Variants in NEMF observed in about 807,000 individuals in gnomAD.
The protein encoded by NEMF is ribosome quality control complex subunit NEMF.
In NEMF, 89 loss-of-function variants were observed where a neutral mutation model predicts 162.2. The ratio of observed to expected loss-of-function variants is 0.55; its 90% CI spans 0.46 to 0.65. NEMF has a LOEUF of 0.65. Ranked by LOEUF, NEMF falls within the 30% of genes least tolerant of loss-of-function variation. The pLI, the probability that NEMF is intolerant of heterozygous loss-of-function variation, is 0.00. For synonymous variants in NEMF, 421 were observed against 404.5 expected (o/e 1.04, Z -0.49); for missense variants, 1,133 against 1,261.9 (o/e 0.90, Z 1.55).
At chr14:49,792,819 A>C (rs4243564) in intron 26 of NEMF, among the ~76,000 whole-genome samples, 393 of 152,204 alleles carry the variant, frequency 2.6e-3, no homozygotes, top group African/African-American at 8.9e-3. Context: ...TCTAAAAATA[A>C]TAAAAATAAA....
At chr14:49,840,431 C>T (rs1392075845) in intron 5 of NEMF, among the ~76,000 whole-genome samples, 1 of 150,390 alleles carries the variant, frequency 6.6e-6, no homozygotes, top group African/African-American at 2.5e-5. Flanking sequence ...CACTGCACTC[C>T]AGCCTGAGCA....
chr14:49,817,369 G>A (rs1378079133), intron 16 of NEMF, among the ~76,000 whole-genome samples: 2 of 152,158 alleles, frequency 1.3e-5, no homozygotes, highest in Non-Finnish European at 2.9e-5. Context: ...GAACCCAGGA[G>A]GCAGAAGTTG....
At chr14:49,799,406 G>A (rs1890851368) in intron 25 of NEMF, 69 bp downstream of exon 25, 2 of 1,277,848 alleles carry the variant, frequency 1.6e-6, no homozygotes, top group South Asian at 1.3e-5. Flanking sequence ...GTAATCTGTG[G>A]TAGCTGAGCT....
chr14:49,797,896 T>A (rs1010056244), intron 25 of NEMF, among the ~76,000 whole-genome samples: 1 of 152,218 alleles, frequency 6.6e-6, no homozygotes, highest in Non-Finnish European at 1.5e-5. Context: ...TGTGCAGAGT[T>A]TACATGTTCT....
chr14:49,828,960 T>A (rs917032868), intron 13 of NEMF, 94 bp downstream of exon 13: 3 of 1,392,412 alleles, frequency 2.2e-6, no homozygotes, highest in Non-Finnish European at 2.9e-6. Context: ...CTTTGAGAAT[T>A]TCAAAATATG....
At chr14:49,806,230 G>GTATATATATATATATATATATA (rs1219496185) in intron 18 of NEMF, 97 bp from the exon 19 acceptor site, 1 of 104,312 alleles carries the variant, frequency 9.6e-6, no homozygotes, top group African/African-American at 1.6e-4. Flanking sequence ...TCAATGATAT[G>GTATATATATATATATATATATA]TGTATATATA....
Position 49,802,672 on chromosome 14 carries a change from A to G in NEMF, c.1971T>C (p.Phe657=). The G allele has an allele frequency of 6.2e-7, 1 of 1,612,136 alleles. No homozygotes were observed. The change falls in exon 21 of 33, where the codon TTT becomes TTC. Residue 657 remains phenylalanine (F), a synonymous_variant. Coordinates refer to ENST00000298310, the MANE Select transcript of NEMF (RefSeq NM_004713.6). Reference sequence around the variant, plus strand: ...TAACCAAGAAGTTGAAGAGTACCTTAAAAAGGAAGCTAAACCCCATCATTA... The same window carrying G: ...TAACCAAGAAGTTGAAGAGTACCTTGAAAAGGAAGCTAAACCCCATCATTA... The part of the protein sequence containing the change: ...SYLMMGFSFL[F]KVDESCVWRH...
chr14:49,828,796 A>G lies in NEMF; in HGVS notation c.1244T>C (p.Leu415Ser), dbSNP rs568374976. The change falls in exon 14 of 33, where the codon TTG becomes TCG. Residue 415 changes from leucine (L) to serine (S), a missense_variant. Physicochemically the swap from Leu to Ser is moderately radical, Grantham distance 145. Around this residue, in one of 3 missense-constraint regions of NEMF, gnomAD observed 582 missense variants for 631.5 expected, o/e 0.92. Coordinates refer to ENST00000298310, the MANE Select transcript of NEMF (RefSeq NM_004713.6). The part of the protein sequence containing the change: ...HVTMLLRNPY[L>S]LSEEEDDDVD... ...ATCATCATCTTCCTCCTCTGATAAC[A>G]AGTATGGATTTCTATTAAAAATATT... 2.0e-6 allele frequency: 3 copies of G among 1,538,066 alleles called. No homozygotes were observed. Among genetic ancestry groups the G allele is most frequent in the African/African-American group, 2.8e-5 (2 of 71,854 alleles).
intron 25 of NEMF, among the ~76,000 whole-genome samples, chr14:49,798,855 C>T (rs1451450304): frequency 1.3e-5 from 2 of 151,452 alleles, no homozygotes; most frequent in Non-Finnish European, 1.5e-5. Flanking sequence ...TGCAGTGAGC[C>T]GAGATCATGC....
At chr14:49,790,391 G>A (rs1594724324) in intron 26 of NEMF, among the ~76,000 whole-genome samples, 1 of 152,202 alleles carries the variant, frequency 6.6e-6, no homozygotes, top group South Asian at 2.1e-4. Flanking sequence ...CTTCGAAAGA[G>A]GATACACAAA....
chr14:49,822,335 TAAA>T (rs1228746886), intron 16 of NEMF, among the ~76,000 whole-genome samples: 2 of 118,902 alleles, frequency 1.7e-5, no homozygotes, highest in African/African-American at 3.1e-5. Context: ...CACATTTTAA[TAAA>T]AAAAAAAAAG....
At chr14:49,788,459 T>C (rs768631052) in intron 28 of NEMF, among the ~76,000 whole-genome samples, 2 of 151,996 alleles carry the variant, frequency 1.3e-5, no homozygotes, top group Non-Finnish European at 2.9e-5. Context: ...TTTTCAACAT[T>C]ATGTACGACC....
At chr14:49,848,260 C>T (rs1233587352) in intron 3 of NEMF, among the ~76,000 whole-genome samples, 1 of 152,108 alleles carries the variant, frequency 6.6e-6, no homozygotes, top group Non-Finnish European at 1.5e-5. Flanking sequence ...AATGTAATAA[C>T]TCTCATTCTT....
At position 49,782,304 on chromosome 14, in the gene NEMF, T is replaced by A; in HGVS notation, c.*2332A>T. The A allele has an allele frequency of 1.0e-6, 1 of 970,536 alleles. No individual in the cohort carries two copies. The highest frequency in any genetic ancestry group is 1.4e-5 in the South Asian group (1 of 69,142). 60.1% of individuals were successfully genotyped at this position (970,536 alleles called of 1,614,324 possible). ...GCTAGTCTTTATTTCATAGCTCTAT[T>A]CTGTAGTATAAAATGGCCAACTGGT... On this transcript the variant is annotated 3_prime_UTR_variant, in exon 33 of 33. Transcript: ENST00000298310.
intron 23 of NEMF, 125 bp downstream of exon 23, chr14:49,800,295 G>T: frequency 1.2e-6 from 1 of 806,028 alleles, no homozygotes; most frequent in Non-Finnish European, 1.9e-6. Context: ...ATCAAATGTT[G>T]AAAAAGTATT....
chr14:49,822,772 G>C (rs556627482), intron 16 of NEMF, among the ~76,000 whole-genome samples: 22 of 150,326 alleles, frequency 1.5e-4, no homozygotes, highest in African/African-American at 5.1e-4. Context: ...GTGTGTGATA[G>C]ATTGTGGAAA....
chr14:49,794,902 A>G (rs1358773239), intron 26 of NEMF, among the ~76,000 whole-genome samples: 1 of 151,938 alleles, frequency 6.6e-6, no homozygotes, highest in Admixed American at 6.6e-5. Flanking sequence ...TATATTTAGT[A>G]GAGATAGGGT....
chr14:49,852,630 C>T, intron 1 of NEMF, 65 bp downstream of exon 1: 2 of 1,555,114 alleles, frequency 1.3e-6, no homozygotes, highest in Non-Finnish European at 1.8e-6. Context: ...TCTGTTTGCG[C>T]CATGGGACTC....
At chr14:49,827,840 G>GGCTA (rs1267611132) in intron 15 of NEMF, among the ~76,000 whole-genome samples, 28 of 152,076 alleles carry the variant, frequency 1.8e-4, no homozygotes, top group African/African-American at 6.0e-4. Context: ...CACAATGGCT[G>GGCTA]CTATGTGGAG....
Sources: gnomAD v4.1 joint callset for allele counts (sites outside exome capture counted in the v4.1 genomes callset) on GRCh38, gnomAD v4.1.1 for gene constraint, gnomAD v4.1.1 regional missense constraint, MANE v1.5 for transcripts, NCBI Gene and HGNC (gene_info 2026-07-23, HGNC 2026-07-21) for gene names.